ZFHX3: variants seen among roughly 807,000 people sequenced by gnomAD.
ZFHX3 encodes zinc finger homeobox protein 3.
ZFHX3 carries 42 observed loss-of-function variants against 279.1 expected under a neutral mutation model. The ratio of observed to expected loss-of-function variants is 0.15; its 90% confidence interval spans 0.12 to 0.19. ZFHX3 has a LOEUF of 0.19. ZFHX3 is among the 10% of genes least tolerant of loss of function. The pLI, the probability that ZFHX3 is intolerant of heterozygous loss-of-function variation, is 1.00. For missense variants in ZFHX3, 4,981 were observed against 4,754.0 expected, an observed-to-expected ratio of 1.05 and a Z score of -1.40; for synonymous variants, 2,293 against 1,957.8, an observed-to-expected ratio of 1.17 and a Z score of -4.52.
At chr16:72,836,654 T>G (rs1359940501) in intron 4 of ZFHX3, among the ~76,000 whole-genome samples, 1 of 148,928 alleles carries the variant, frequency 6.7e-6, no homozygotes, top group African/African-American at 2.5e-5. Flanking sequence ...TCATCTAAAT[T>G]AAAAAAAAAA....
At chr16:73,863,987 G>T in intron 1 of ZFHX3, among the ~76,000 whole-genome samples, 1 of 152,194 alleles carries the variant, frequency 6.6e-6, no homozygotes, top group South Asian at 2.1e-4. Flanking sequence ...CAAAACTTAC[G>T]AATAGTAATT....
chr16:73,157,494 C>T (rs529268075), intron 5 of ZFHX3, among the ~76,000 whole-genome samples: 21 of 93,808 alleles, frequency 2.2e-4, no homozygotes, highest in Admixed American at 2.2e-3. Context: ...GGCCAGTCCA[C>T]GATAGACATT....
At chr16:73,477,888 C>T (rs2018791179) in intron 2 of ZFHX3, among the ~76,000 whole-genome samples, 1 of 152,174 alleles carries the variant, frequency 6.6e-6, no homozygotes, top group African/African-American at 2.4e-5. Flanking sequence ...TATATAAGAT[C>T]TTGGCAGGAG....
At chr16:73,234,138 C>T (rs916969977) in intron 5 of ZFHX3, among the ~76,000 whole-genome samples, 2 of 151,914 alleles carry the variant, frequency 1.3e-5, no homozygotes, top group African/African-American at 4.8e-5. Context: ...GGAAAGGGAG[C>T]GAAGTCAGAA....
At chr16:73,354,696 G>A (rs917481064) in intron 3 of ZFHX3, among the ~76,000 whole-genome samples, 4 of 152,120 alleles carry the variant, frequency 2.6e-5, no homozygotes, top group East Asian at 1.9e-4. Context: ...CAGAGACAGC[G>A]ACCTCATCCA....
chr16:73,242,746 G>T (rs952443146), intron 5 of ZFHX3, among the ~76,000 whole-genome samples: 1 of 152,294 alleles, frequency 6.6e-6, no homozygotes, highest in African/African-American at 2.4e-5. Context: ...GGACAAACTG[G>T]ATGAGGCTGG....
At chr16:73,312,626 A>G (rs986090471) in intron 4 of ZFHX3, among the ~76,000 whole-genome samples, 2 of 152,216 alleles carry the variant, frequency 1.3e-5, no homozygotes, top group African/African-American at 2.4e-5. Context: ...TCAGTGGGCC[A>G]TGGACCAGGA....
intron 3 of ZFHX3, among the ~76,000 whole-genome samples, chr16:73,322,392 A>G (rs557442380): frequency 3.9e-4 from 60 of 152,310 alleles, no homozygotes; most frequent in African/African-American, 1.4e-3. Flanking sequence ...AAGGTTATGC[A>G]GGATGTCTTG....
At chr16:72,928,524 T>C (rs34893494) in intron 3 of ZFHX3, among the ~76,000 whole-genome samples, 44,761 of 151,844 alleles carry the variant, frequency 0.29, 6,955 homozygotes, top group African/African-American at 0.36. Context: ...GCGGTGTTTA[T>C]GATAGGCCCC....
intron 1 of ZFHX3, among the ~76,000 whole-genome samples, chr16:72,984,712 C>T (rs147687132): frequency 1.7e-4 from 26 of 151,918 alleles, no homozygotes; most frequent in African/African-American, 6.3e-4. Flanking sequence ...GGTTGAACAG[C>T]ACCTGTGTTG....
intron 2 of ZFHX3, among the ~76,000 whole-genome samples, chr16:73,634,887 G>A (rs57625618): frequency 0.031 from 4,746 of 151,998 alleles, 238 homozygotes; most frequent in African/African-American, 0.11. Flanking sequence ...GGTGTTTGTG[G>A]TTGTGTGTGT....
At chr16:73,155,686 G>A (rs1967061205) in intron 5 of ZFHX3, among the ~76,000 whole-genome samples, 1 of 152,066 alleles carries the variant, frequency 6.6e-6, no homozygotes, top group South Asian at 2.1e-4. Flanking sequence ...AGCTGGGCAT[G>A]GCGGCATGCG....
rs377006142 is a variant in ZFHX3, at chr16:73,283,229, T to C, written c.-1193-26093A>G. On this transcript the variant is annotated intron_variant, in intron 4 of 17. Transcript: ENST00000641206. ...TCCGGCAACTGTTTACATTTACCGATGTTATTCTCATCCTCGTTTTGGTAT... is the reference window on the plus strand; with the variant it reads ...TCCGGCAACTGTTTACATTTACCGACGTTATTCTCATCCTCGTTTTGGTAT... Among the ~76,000 whole-genome samples, 13 of 152,322 alleles carry C rather than the reference T, an allele frequency of 8.5e-5. No homozygotes were observed. In the East Asian group the frequency reaches 1.7e-3, roughly 20 times the overall value.
In ZFHX3 at chr16:73,606,180, TAAAAAAAAAAAAAAAAAAAA is replaced by T. The variant is rs35080897; in HGVS notation, c.-1547+73980_-1547+73999del. ...CTGGGGGATTGAGCTAGGCTCCATC[TAAAAAAAAAAAAAAAAAAAA>T]AAAAAAAAAAAAAAAAATCCATGCT... On this transcript the variant is annotated intron_variant, in intron 2 of 17. Transcript: ENST00000641206. Among the ~76,000 whole-genome samples, 6 of 35,192 alleles carry T rather than the reference TAAAAAAAAAAAAAAAAAAAA, an allele frequency of 1.7e-4. No homozygotes were observed. In the South Asian group the frequency reaches 4.4e-3, roughly 26 times the overall value. 23.1% of individuals were successfully genotyped at this position (35,192 alleles called of 152,430 possible).
intron 2 of ZFHX3, among the ~76,000 whole-genome samples, chr16:73,665,905 T>C (rs1408129353): frequency 7.0e-6 from 1 of 143,368 alleles, no homozygotes; most frequent in African/African-American, 2.6e-5. Context: ...AAGGTCTGCC[T>C]CCCGGGTTCA....
chr16:73,433,723 T>C (rs2017948249), intron 3 of ZFHX3, among the ~76,000 whole-genome samples: 1 of 152,186 alleles, frequency 6.6e-6, no homozygotes, highest in South Asian at 2.1e-4. Context: ...ACGCCCAGCC[T>C]GTACTGGCAA....
At chr16:73,669,321 T>A (rs2052878607) in intron 2 of ZFHX3, among the ~76,000 whole-genome samples, 1 of 152,252 alleles carries the variant, frequency 6.6e-6, no homozygotes, top group Non-Finnish European at 1.5e-5. Flanking sequence ...CCCAAAGTGC[T>A]GGGATTACAG....
At chr16:73,516,966 A>T (rs2019533139) in intron 2 of ZFHX3, among the ~76,000 whole-genome samples, 1 of 152,154 alleles carries the variant, frequency 6.6e-6, no homozygotes. Context: ...TTGATACATG[A>T]GATCAAGTAC....
exon 1 of ZFHX3, chr16:73,058,570 T>G (rs1434834914): frequency 1.0e-5 from 2 of 192,390 alleles, no homozygotes; most frequent in Non-Finnish European, 9.8e-6. Context: ...GCGGCGCTGC[T>G]GGCGACGGCG....
Sources: gnomAD v4.1 joint callset for allele counts (sites outside exome capture counted in the v4.1 genomes callset) on GRCh38, gnomAD v4.1.1 for gene constraint, MANE v1.5 for transcripts, NCBI Gene and HGNC (gene_info 2026-07-23, HGNC 2026-07-21) for gene names.